Variants in IP6K3 observed in about 807,000 individuals in gnomAD.
IP6K3 encodes ATP:1D-myo-inositol-hexakisphosphate phosphotransferase.
A neutral mutation model predicts 28.8 loss-of-function variants in IP6K3; 20 were observed. The ratio of observed to expected loss-of-function variants is 0.70; its 90% CI spans 0.49 to 1.01. The LOEUF (loss-of-function observed/expected upper bound fraction) is 1.01. Ranked by LOEUF, IP6K3 falls within the 50% of genes least tolerant of loss-of-function variation. The pLI is 0.00. For missense variants in IP6K3, 480 were observed against 537.1 expected (o/e 0.89, Z 1.05); for synonymous variants, 213 against 221.3 (o/e 0.96, Z 0.33).
chr6:33,726,622 C>T, intron 4 of IP6K3, 109 bp downstream of exon 4: 1 of 1,128,666 alleles, frequency 8.9e-7, no homozygotes, highest in Admixed American at 2.6e-5. Flanking sequence ...TCCCTGCTAC[C>T]CTCCATTGGC....
At chr6:33,750,576 CTCTT>C (rs1767009519), upstream of IP6K3, among the ~76,000 whole-genome samples, 1 of 152,218 alleles carries the variant, frequency 6.6e-6, no homozygotes, top group South Asian at 2.1e-4. The surrounding 1 kb of genome is among the most constrained non-coding windows in gnomAD (Gnocchi z 4.3). Context: ...TTGCCTGTCT[CTCTT>C]CCTTGGGGAT....
chr6:33,748,941 G>A (rs1280804227), upstream of IP6K3, among the ~76,000 whole-genome samples: 1 of 152,116 alleles, frequency 6.6e-6, no homozygotes, highest in Non-Finnish European at 1.5e-5. Context: ...GAAGGCACAT[G>A]GCCTCTTGTG....
chr6:33,727,703 G>T, intron 3 of IP6K3: 1 of 471,456 alleles, frequency 2.1e-6, no homozygotes, highest in Non-Finnish European at 2.8e-6. Context: ...GGTGATTTCT[G>T]AGAGCAATTA....
upstream of IP6K3, among the ~76,000 whole-genome samples, chr6:33,751,297 G>A (rs1188559977): frequency 6.6e-6 from 1 of 152,202 alleles, no homozygotes; most frequent in Non-Finnish European, 1.5e-5. This position sits in a 1 kb window ranked among gnomAD's most constrained non-coding sequence, Gnocchi z 4.3. Context: ...CCCAACAGCT[G>A]AAGATACTGG....
rs766484928 is a variant in IP6K3, at chr6:33,725,506, G to C, written c.700C>G (p.Arg234Gly). ...GDDASEEKKA[R>G]HMRKCAQSTS... ...CTCTGCGCACACTTCCTCATGTGGC[G>C]GGCCTTCTTCTCCTCCGATGCATCA... Residue 234 changes from arginine to glycine, a missense_variant, in exon 5 of 6, where the codon CGC becomes GGC. Physicochemically the swap from Arg to Gly is moderately radical, Grantham distance 125 (BLOSUM62 -2). Transcript: ENST00000293756. The C allele has an allele frequency of 1.2e-6, 2 of 1,613,906 alleles. No individual in the cohort carries two copies. The highest frequency in any genetic ancestry group is 1.1e-5 in the South Asian group (1 of 91,080).
the IP6K3 span, among the ~76,000 whole-genome samples, chr6:33,761,943 G>C: frequency 6.6e-6 from 1 of 152,090 alleles, no homozygotes; most frequent in African/African-American, 2.4e-5. Context: ...AGCCTGCTGT[G>C]TGGCACTCAG....
At chr6:33,751,169 A>G (rs1254203699), upstream of IP6K3, among the ~76,000 whole-genome samples, 1 of 151,984 alleles carries the variant, frequency 6.6e-6, no homozygotes, top group Non-Finnish European at 1.5e-5. This position sits in a 1 kb window ranked among gnomAD's most constrained non-coding sequence, Gnocchi z 4.3. Context: ...TGGCTTCCCT[A>G]TCATCACATC....
rs1045759234 is a variant in IP6K3 at position 33,722,455 on chromosome 6, A to G, written c.*265T>C. 6.4e-6 allele frequency: 2 copies of G among 311,408 alleles called. No homozygotes were observed. The highest frequency in any genetic ancestry group is 1.2e-5 in the Non-Finnish European group (2 of 169,276). The allele number at this position is 311,408 out of a possible 1,614,324, so 19.3% of individuals were successfully genotyped here. On this transcript the variant is annotated 3_prime_UTR_variant, in exon 6 of 6. Transcript: ENST00000293756. ...GCCTCTAACTTGGGCTGCCCCCTCC[A>G]GTGTACTCCAGAAGGTGCCACTTTA...
At chr6:33,732,476 G>C (rs192708443) in intron 2 of IP6K3, among the ~76,000 whole-genome samples, 3 of 152,168 alleles carry the variant, frequency 2.0e-5, no homozygotes, top group East Asian at 1.9e-4. Context: ...GGCAAGTCAC[G>C]CCCCCTCCCT....
chr6:33,755,540 A>G, the IP6K3 span, among the ~76,000 whole-genome samples: 7 of 152,158 alleles, frequency 4.6e-5, no homozygotes, highest in Non-Finnish European at 7.3e-5. Context: ...AATACCAGAC[A>G]CCCAGTCACA....
chr6:33,737,547 C>G (rs1766571468), intron 1 of IP6K3, among the ~76,000 whole-genome samples: 1 of 152,232 alleles, frequency 6.6e-6, no homozygotes, highest in African/African-American at 2.4e-5. Context: ...TTGTTCAGGC[C>G]TCTGGCTCAG....
Position 33,745,591 on chromosome 6 carries a change from G to T in IP6K3, c.-180+1167C>A, listed in dbSNP as rs1313633909. On this transcript the variant is annotated intron_variant, in intron 1 of 5. Transcript: ENST00000293756. ...GTGGGGGGTCGGGGGGCTGGCAGAG[G>T]CTCTTTCTAATTGAAAGAGATTTAA... 2.0e-5 allele frequency among the ~76,000 whole-genome samples: 3 copies of T among 152,278 alleles called. No individual in the cohort carries two copies. The East Asian group carries it at 5.8e-4, about 29-fold the overall frequency.
chr6:33,758,123 C>T, the IP6K3 span, among the ~76,000 whole-genome samples: 2 of 152,124 alleles, frequency 1.3e-5, no homozygotes, highest in Admixed American at 1.3e-4. Context: ...GCCAAAGGAA[C>T]AACAGACTGA....
chr6:33,735,635 G>A lies in IP6K3; in HGVS notation c.-159C>T. ...TCATAGCGCAGTTGTCCTCCTGTCT[G>A]TGGGTTCTCAGCGGGGTCCTCTGGA... On this transcript the variant is annotated 5_prime_UTR_variant, in exon 2 of 6. Coordinates refer to ENST00000293756, the MANE Select transcript of IP6K3 (RefSeq NM_054111.5). 1.4e-6 allele frequency: 2 copies of A among 1,441,972 alleles called. No individual in the cohort carries two copies. The highest frequency in any genetic ancestry group is 2.5e-4 in the Middle Eastern group (1 of 3,932). 89.3% of individuals were successfully genotyped at this position (1,441,972 alleles called of 1,614,324 possible).
At chr6:33,755,209 C>T in the IP6K3 span, among the ~76,000 whole-genome samples, 1 of 152,238 alleles carries the variant, frequency 6.6e-6, no homozygotes, top group Non-Finnish European at 1.5e-5. Context: ...CTGGACAAGG[C>T]CAGTGCAGAA....
Position 33,723,057 on chromosome 6 carries a change from A to G in IP6K3, c.896T>C (p.Leu299Pro). The change falls in exon 6 of 6, where the codon CTG becomes CCG. Residue 299 changes from leucine to proline, a missense_variant. By Grantham distance (98) the Leu-to-Pro change is moderately conservative. Coordinates refer to ENST00000293756, the MANE Select transcript of IP6K3 (RefSeq NM_054111.5). ...HNGSHLRRELLEPILHQLRAL... is the reference protein window; with the variant it reads ...HNGSHLRRELPEPILHQLRAL... ...CCGGAGCTGGTGCAGGATGGGCTCC[A>G]GGAGCTCCCTCCGGAGGTGGCTTCC... The G allele has an allele frequency of 6.2e-7, 1 of 1,614,188 alleles. No homozygotes were observed. The highest frequency in any genetic ancestry group is 8.5e-7 in the Non-Finnish European group (1 of 1,180,008).
intron 4 of IP6K3, 68 bp downstream of exon 4, chr6:33,726,663 C>T: frequency 1.4e-6 from 2 of 1,456,934 alleles, no homozygotes; most frequent in South Asian, 1.4e-5. Flanking sequence ...CTCTACCCAC[C>T]TCTGCCCCTC....
chr6:33,752,938 A>T, the IP6K3 span, among the ~76,000 whole-genome samples: 1 of 152,176 alleles, frequency 6.6e-6, no homozygotes, highest in Non-Finnish European at 1.5e-5. Flanking sequence ...GAGTATTGTT[A>T]TTTTTTAATT....
Position 33,742,687 on chromosome 6 carries a change from T to C in IP6K3, c.-180+4071A>G, listed in dbSNP as rs1192072772. Among the ~76,000 whole-genome samples the C allele has an allele frequency of 6.6e-6, 1 of 152,238 alleles. No homozygotes were observed. Among genetic ancestry groups the C allele is most frequent in the Non-Finnish European group, 1.5e-5 (1 of 68,044 alleles). On this transcript the variant is annotated intron_variant, in intron 1 of 5. Transcript: ENST00000293756. The surrounding 1 kb of genome is among the most constrained non-coding windows in gnomAD (Gnocchi z 4.5). ...ATACAAATTCATTTAAAGGCATTAT[T>C]GAATTCCTAGTAGTTTTTGTCATCG...
Sources: allele counts gnomAD v4.1 joint callset (sites outside exome capture counted in the v4.1 genomes callset), GRCh38; gene constraint gnomAD v4.1.1; non-coding constraint Gnocchi (gnomAD v3.1); transcripts MANE v1.5; gene names NCBI Gene and HGNC (gene_info 2026-07-23, HGNC 2026-07-21).